The following FBXO41 variants were observed in gnomAD, a reference collection of about 807,000 sequenced individuals.
The protein encoded by FBXO41 is F-box only protein 41.
Under a neutral mutation model 81.6 loss-of-function variants are expected in FBXO41, and 33 were observed. The ratio of observed to expected loss-of-function variants is 0.40; its 90% CI spans 0.31 to 0.54. The LOEUF is 0.54. Ranked by LOEUF, FBXO41 falls within the 20% of genes least tolerant of loss-of-function variation. FBXO41 has a pLI of 0.39. For synonymous variants in FBXO41, 576 were observed against 552.7 expected (o/e 1.04, Z -0.59); for missense variants, 1,107 against 1,236.0 (o/e 0.90, Z 1.56).
chr2:73,279,466 T>A (rs1231443921), intron 1 of FBXO41, among the ~76,000 whole-genome samples: 2 of 152,144 alleles, frequency 1.3e-5, no homozygotes, highest in East Asian at 3.9e-4. Flanking sequence ...GGGGAAAAGA[T>A]GGACCCTCAG....
At chr2:73,262,463 T>C (rs1688052366) in intron 9 of FBXO41, among the ~76,000 whole-genome samples, 1 of 152,176 alleles carries the variant, frequency 6.6e-6, no homozygotes, top group South Asian at 2.1e-4. Flanking sequence ...ATAACCTGGA[T>C]TCTCCAATGA....
chr2:73,276,985 T>G (rs2103910901), intron 1 of FBXO41, among the ~76,000 whole-genome samples: 1 of 152,312 alleles, frequency 6.6e-6, no homozygotes, highest in East Asian at 1.9e-4. Context: ...GTCCTTCCTG[T>G]GGGGGGCATC....
At chr2:73,263,366 A>G (rs1688089305) in intron 8 of FBXO41, 58 bp from the exon 9 acceptor site, 2 of 1,330,108 alleles carry the variant, frequency 1.5e-6, no homozygotes, top group South Asian at 1.5e-5. Context: ...GGTAATCCCA[A>G]CACTTTGGGA....
chr2:73,269,466 C>CG lies in FBXO41; in HGVS notation c.164dup (p.Ala56GlyfsTer71). ...ACCCCGAGGCAGCGGCGGCGGCGGCCGCGGCGGCGGCGGCGCCGTCGCAGA... is the reference window on the plus strand; with the variant it reads ...ACCCCGAGGCAGCGGCGGCGGCGGCCGGCGGCGGCGGCGGCGCCGTCGCAGA... On this transcript the variant is annotated frameshift_variant, in exon 2 of 13. Coordinates refer to ENST00000520530, the MANE Select transcript of FBXO41 (RefSeq NM_001371389.2). LOFTEE classifies it high-confidence loss of function. The surrounding 1 kb of genome is among the most constrained non-coding windows in gnomAD (Gnocchi z 7.0). The CG allele has an allele frequency of 8.0e-7, 1 of 1,254,448 alleles. No homozygotes were observed. The highest frequency in any genetic ancestry group is 3.7e-5 in the East Asian group (1 of 27,154). 77.7% of individuals were successfully genotyped at this position (1,254,448 alleles called of 1,614,324 possible).
chr2:73,268,736 G>A lies in FBXO41; in HGVS notation c.895C>T (p.Arg299Cys), dbSNP rs1688369861. The stretch of plus-strand genomic sequence containing the variant: ...CGAGGGTCTACTCACTGCTGCTTGC[G>A]GCTCAGCTCCTGTTCCTTGTGCACC... ...DLVHKEQELS[R>C]KQQEVVQIDQ... Residue 299 changes from arginine to cysteine, a missense_variant, in exon 2 of 13, where the codon CGC becomes TGC. Arg to Cys is a radical substitution (Grantham distance 180). Around this residue, in one of 2 missense-constraint regions of FBXO41, gnomAD observed 771 missense variants for 789.2 expected, o/e 0.98. Transcript: ENST00000520530. The A allele has an allele frequency of 7.1e-6, 11 of 1,543,378 alleles. No homozygotes were observed. Among genetic ancestry groups the A allele is most frequent in the East Asian group, 2.4e-5 (1 of 41,944 alleles).
rs1467714732 is a variant in FBXO41, at chr2:73,282,567, G to T, written c.-139+1593C>A. Among the ~76,000 whole-genome samples, 4 of 152,148 alleles carry T rather than the reference G, an allele frequency of 2.6e-5. No homozygotes were observed. In the South Asian group the frequency reaches 8.3e-4, roughly 32 times the overall value. ...AAAGAAAAAAAATTAGGCAGGTGTG[G>T]TGGCATATGCCTGTGGTCCCAGCTG... On this transcript the variant is annotated intron_variant, in intron 1 of 12. Coordinates refer to ENST00000520530, the MANE Select transcript of FBXO41 (RefSeq NM_001371389.2).
Position 73,255,095 on chromosome 2 carries a change from G to C in FBXO41, c.*3887C>G, listed in dbSNP as rs1558574760. 6.5e-6 allele frequency: 1 copy of C among 152,768 alleles called. No homozygotes were observed. The highest frequency in any genetic ancestry group is 1.5e-5 in the Non-Finnish European group (1 of 68,150). 9.5% of individuals were successfully genotyped at this position (152,768 alleles called of 1,614,324 possible). A position where few individuals can be genotyped will look rare whatever the true frequency, so the allele number is the denominator to read the frequency against. On this transcript the variant is annotated 3_prime_UTR_variant, in exon 13 of 13. Transcript: ENST00000520530. The stretch of plus-strand genomic sequence containing the variant: ...CTGGCATCAGCCACAAAGCAAGCCT[G>C]GGTCACCTCAGGCCTCTGCCCTGGA...
chr2:73,272,441 A>G (rs1688535339), intron 1 of FBXO41: 1 of 152,282 alleles, frequency 6.6e-6, no homozygotes, highest in African/African-American at 2.4e-5. Context: ...AAGCGAAGAC[A>G]AAGAGGCTGG....
intron 9 of FBXO41, among the ~76,000 whole-genome samples, chr2:73,261,643 T>C (rs1688024916): frequency 6.6e-6 from 1 of 152,220 alleles, no homozygotes; most frequent in African/African-American, 2.4e-5. Flanking sequence ...TCTTAATCCC[T>C]TTCTTAAAAT....
Position 73,260,496 on chromosome 2 carries a change from A to T in FBXO41, c.2342T>A (p.Ile781Asn). 6.2e-7 allele frequency: 1 copy of T among 1,602,900 alleles called. No individual in the cohort carries two copies. The highest frequency in any genetic ancestry group is 8.5e-7 in the Non-Finnish European group (1 of 1,174,918). Residue 781 changes from isoleucine to asparagine, a missense_variant, in exon 11 of 13, where the codon ATC becomes AAC. Coordinates refer to ENST00000520530, the MANE Select transcript of FBXO41 (RefSeq NM_001371389.2). The surrounding 1 kb of genome is among the most constrained non-coding windows in gnomAD (Gnocchi z 5.0). ...GACCTCTGCTGCCACCTCCTGGGTG[A>T]TCTCTGACACGTGGTCAAGCTCCAG... is the stretch of plus-strand genomic sequence containing the variant. Reference protein sequence around the residue: ...QVLELDHVSEITQEVAAEVCR... With the variant: ...QVLELDHVSENTQEVAAEVCR...
At position 73,269,598 on chromosome 2, in the gene FBXO41, G is replaced by A. The variant is rs771268242; in HGVS notation, c.33C>T (p.Pro11=). ...GGAAGCGCTTGTGCTCCCCGCAGCGGGGGCAGCGGTACGGCAGGTCCAGCG... is the reference window on the plus strand; with the variant it reads ...GGAAGCGCTTGTGCTCCCCGCAGCGAGGGCAGCGGTACGGCAGGTCCAGCG... MASLDLPYRC[P]RCGEHKRFRS... is the part of the protein sequence containing the mutation. The change falls in exon 2 of 13, where the codon CCC becomes CCT. Residue 11 remains proline (P), a synonymous_variant. Transcript: ENST00000520530. The surrounding 1 kb of genome is among the most constrained non-coding windows in gnomAD (Gnocchi z 7.0). The A allele has an allele frequency of 1.7e-5, 22 of 1,312,254 alleles. No homozygotes were observed. The highest frequency in any genetic ancestry group is 1.6e-5 in the Non-Finnish European group (16 of 1,020,886). 81.3% of individuals were successfully genotyped at this position (1,312,254 alleles called of 1,614,324 possible). A position where few individuals can be genotyped will look rare whatever the true frequency, so the allele number is the denominator to read the frequency against.
chr2:73,268,767 C>T lies in FBXO41; in HGVS notation c.864G>A (p.Gln288=). The part of the protein sequence containing the change: ...VSVELLASLK[Q]DLVHKEQELS... Reference sequence around the variant, plus strand: ...GCTCCTGTTCCTTGTGCACCAGGTCCTGCTTGAGTGAGGCCAGCAGCTCTA... The same window carrying T: ...GCTCCTGTTCCTTGTGCACCAGGTCTTGCTTGAGTGAGGCCAGCAGCTCTA... The change falls in exon 2 of 13, where the codon CAG becomes CAA. Residue 288 remains glutamine, a synonymous_variant. Transcript: ENST00000520530. The T allele has an allele frequency of 1.3e-6, 2 of 1,573,522 alleles. No individual in the cohort carries two copies. Among genetic ancestry groups the T allele is most frequent in the African/African-American group, 1.4e-5 (1 of 74,030 alleles).
Position 73,268,864 on chromosome 2 carries a change from G to C in FBXO41, c.767C>G (p.Ala256Gly), listed in dbSNP as rs572460859. The change falls in exon 2 of 13, where the codon GCG (alanine) becomes GGG (glycine). Residue 256 changes from alanine to glycine, a missense_variant. Physicochemically the swap from Ala to Gly is moderately conservative, Grantham distance 60. Around this residue, in one of 2 missense-constraint regions of FBXO41, gnomAD observed 771 missense variants for 789.2 expected, o/e 0.98. Coordinates refer to ENST00000520530, the MANE Select transcript of FBXO41 (RefSeq NM_001371389.2). ...CTCCTCCTTCTCGCGCCCGAGCCTC[G>C]CACTCTCCTGCCGCGCAGTCTCCAG... ...AELETARQES[A>G]RLGREKEELE... 9.6e-6 allele frequency: 15 copies of C among 1,564,020 alleles called. No homozygotes were observed. Among genetic ancestry groups the C allele is most frequent in the Non-Finnish European group, 1.0e-5 (12 of 1,156,600 alleles).
chr2:73,265,983 C>A lies in FBXO41; in HGVS notation c.1132-17G>T. The A allele has an allele frequency of 1.3e-6, 2 of 1,562,768 alleles. No individual in the cohort carries two copies. Among genetic ancestry groups the A allele is most frequent in the Non-Finnish European group, 1.7e-6 (2 of 1,152,306 alleles). ...GTGTTCTCGCTGTGGGCCCCCAGAG[C>A]AGGAGGTAAAGGAGAGGGGCGGAGG... On this transcript the variant is annotated splice_polypyrimidine_tract_variant and intron_variant, in intron 3 of 12. Coordinates refer to ENST00000520530, the MANE Select transcript of FBXO41 (RefSeq NM_001371389.2).
chr2:73,276,215 C>A (rs1269101804), intron 1 of FBXO41, among the ~76,000 whole-genome samples: 1 of 150,994 alleles, frequency 6.6e-6, no homozygotes, highest in Non-Finnish European at 1.5e-5. Flanking sequence ...TTCGAGACCA[C>A]CCTGGCCAAC....
rs1687754269 is a variant in FBXO41, at chr2:73,254,972, T to TA, written c.*4009_*4010insT. The TA allele has an allele frequency of 6.6e-6, 1 of 152,644 alleles. No individual in the cohort carries two copies. Among genetic ancestry groups the TA allele is most frequent in the African/African-American group, 2.4e-5 (1 of 41,454 alleles). 9.5% of individuals were successfully genotyped at this position (152,644 alleles called of 1,614,324 possible). A position where few individuals can be genotyped will look rare whatever the true frequency, so the allele number is the denominator to read the frequency against. The stretch of plus-strand genomic sequence containing the variant: ...GCTTGGGGCTGGGGAAGCTACCCTC[T>TA]CACTCAGGCCCATTATAGCCTAGCT... On this transcript the variant is annotated 3_prime_UTR_variant, in exon 13 of 13. Transcript: ENST00000520530.
intron 2 of FBXO41, among the ~76,000 whole-genome samples, chr2:73,267,017 A>G (rs1688301963): frequency 6.6e-6 from 1 of 152,196 alleles, no homozygotes; most frequent in African/African-American, 2.4e-5. Flanking sequence ...CCCCACACAC[A>G]TGTACCCCAT....
In FBXO41 at chr2:73,266,104, T is replaced by C. The variant is rs376353513; in HGVS notation, c.1132-138A>G. ...GAGAAGGGAAAATAGTTGGGAAAGA[T>C]GGACAAATGGACAGACAGACAGCCC... On this transcript the variant is annotated intron_variant, in intron 3 of 12. Transcript: ENST00000520530. The surrounding 1 kb of genome is among the most constrained non-coding windows in gnomAD (Gnocchi z 5.3). The C allele has an allele frequency of 1.3e-6, 1 of 786,310 alleles. No homozygotes were observed. The highest frequency in any genetic ancestry group is 2.7e-5 in the East Asian group (1 of 36,724). The allele number at this position is 786,310 out of a possible 1,614,324, so 48.7% of individuals were successfully genotyped here. A position where few individuals can be genotyped will look rare whatever the true frequency, so the allele number is the denominator to read the frequency against.
At chr2:73,279,384 C>T (rs1373306993) in intron 1 of FBXO41, among the ~76,000 whole-genome samples, 2 of 151,966 alleles carry the variant, frequency 1.3e-5, no homozygotes, top group African/African-American at 4.8e-5. Flanking sequence ...GTTTTGGCAA[C>T]TTAAGGGTAA....
Sources: gnomAD v4.1 joint callset for allele counts (sites outside exome capture counted in the v4.1 genomes callset) on GRCh38, gnomAD v4.1.1 for gene constraint, gnomAD v4.1.1 regional missense constraint, Gnocchi (gnomAD v3.1) non-coding constraint, MANE v1.5 for transcripts, NCBI Gene and HGNC (gene_info 2026-07-23, HGNC 2026-07-21) for gene names.